The following NAMPT variants were observed in gnomAD, a reference collection of about 807,000 sequenced individuals.
The protein encoded by NAMPT is NAmPRTase.
NAMPT carries 7 observed loss-of-function variants against 58.7 expected under a neutral mutation model. That is an observed-to-expected ratio of 0.12 (90% CI 0.07 to 0.22). The LOEUF is 0.22. Ranked by LOEUF, NAMPT falls within the 10% of genes least tolerant of loss-of-function variation. The pLI is 1.00. For synonymous variants in NAMPT, 145 were observed against 198.1 expected (o/e 0.73, Z 2.25); for missense variants, 271 against 567.9 (o/e 0.48, Z 5.31).
At chr7:106,260,467 C>G (rs1275098632) in intron 8 of NAMPT, among the ~76,000 whole-genome samples, 1 of 152,254 alleles carries the variant, frequency 6.6e-6, no homozygotes, top group East Asian at 1.9e-4. Flanking sequence ...ATCTTCTATT[C>G]AGACCATTCA....
At chr7:106,257,758 C>T (rs940383479) in intron 8 of NAMPT, among the ~76,000 whole-genome samples, 42 of 152,236 alleles carry the variant, frequency 2.8e-4, no homozygotes, top group African/African-American at 9.9e-4. Flanking sequence ...CCAACTTGAA[C>T]TCCGTTCAAC....
intron 1 of NAMPT, among the ~76,000 whole-genome samples, chr7:106,280,950 A>C (rs968614547): frequency 6.6e-6 from 1 of 151,810 alleles, no homozygotes; most frequent in African/African-American, 2.4e-5. Flanking sequence ...CAAAAAAAAA[A>C]CAAACATAAG....
intron 10 of NAMPT, among the ~76,000 whole-genome samples, chr7:106,252,514 T>C (rs1792121321): frequency 6.6e-6 from 1 of 151,890 alleles, no homozygotes; most frequent in Admixed American, 6.6e-5. Context: ...CTGTCTAAAG[T>C]TTTTTTTGAT....
chr7:106,270,164 C>A, intron 4 of NAMPT: 1 of 216,900 alleles, frequency 4.6e-6, no homozygotes, highest in Non-Finnish European at 1.1e-5. Context: ...GGAAGCTCCA[C>A]AGAAAAGTCT....
In NAMPT at chr7:106,250,221, A is replaced by G. The variant is rs1792083539; in HGVS notation, c.*862T>C. ...AAAATACACTACTTCCACTTTTGTAAGTATTTTACATTTATGTATATATTC... is the reference window on the plus strand; with the variant it reads ...AAAATACACTACTTCCACTTTTGTAGGTATTTTACATTTATGTATATATTC... On this transcript the variant is annotated 3_prime_UTR_variant, in exon 11 of 11. Coordinates refer to ENST00000222553, the MANE Select transcript of NAMPT (RefSeq NM_005746.3). The G allele has an allele frequency of 6.6e-6, 1 of 152,406 alleles. No homozygotes were observed. The highest frequency in any genetic ancestry group is 1.5e-5 in the Non-Finnish European group (1 of 67,922). 9.4% of individuals were successfully genotyped at this position (152,406 alleles called of 1,614,324 possible). A position where few individuals can be genotyped will look rare whatever the true frequency, so the allele number is the denominator to read the frequency against.
chr7:106,284,703 C>A, intron 1 of NAMPT, 125 bp downstream of exon 1: 1 of 1,086,280 alleles, frequency 9.2e-7, no homozygotes, highest in Non-Finnish European at 1.1e-6. Context: ...CCCGGGCCTC[C>A]CCGCGCCGCG....
chr7:106,285,152 C>T, upstream of NAMPT: 1 of 1,265,298 alleles, frequency 7.9e-7, no homozygotes, highest in South Asian at 2.2e-5. Context: ...GCCTTCACCC[C>T]GTCACCCTCC....
intron 8 of NAMPT, among the ~76,000 whole-genome samples, chr7:106,258,882 A>G (rs1792255378): frequency 6.6e-6 from 1 of 152,050 alleles, no homozygotes; most frequent in African/African-American, 2.4e-5. Context: ...ATGCCTTAAA[A>G]TGACAACAAT....
At chr7:106,259,896 T>G (rs75814127) in intron 8 of NAMPT, among the ~76,000 whole-genome samples, 1 of 150,876 alleles carries the variant, frequency 6.6e-6, no homozygotes, top group Non-Finnish European at 1.5e-5. Context: ...TTTTTTTTTT[T>G]CCTGAGCAGT....
At chr7:106,284,718 T>TAGCCCC (rs1301389399) in intron 1 of NAMPT, 110 bp downstream of exon 1, 81 of 746,688 alleles carry the variant, frequency 1.1e-4, no homozygotes, top group Admixed American at 9.8e-4. Flanking sequence ...GCCGCGACCC[T>TAGCCCC]AGCCCCAGCC....
upstream of NAMPT, chr7:106,285,122 C>T: frequency 2.3e-6 from 3 of 1,310,464 alleles, no homozygotes; most frequent in Non-Finnish European, 2.9e-6. Flanking sequence ...CTCTGGCGGA[C>T]TCCCCACCTC....
chr7:106,276,885 TACTTAGAACATC>T, intron 2 of NAMPT, 126 bp downstream of exon 2: 1 of 686,456 alleles, frequency 1.5e-6, no homozygotes, highest in Non-Finnish European at 2.4e-6. Flanking sequence ...ACTTTTCTCA[TACTTAGAACATC>T]AAACACACAC....
chr7:106,255,035 C>G (rs1251971457), intron 8 of NAMPT, among the ~76,000 whole-genome samples: 3 of 152,104 alleles, frequency 2.0e-5, no homozygotes, highest in African/African-American at 7.2e-5. Flanking sequence ...AGTTGGTATA[C>G]TGGTAGAGTC....
intron 1 of NAMPT, among the ~76,000 whole-genome samples, chr7:106,279,085 T>C (rs1792706143): frequency 6.6e-6 from 1 of 152,214 alleles, no homozygotes; most frequent in African/African-American, 2.4e-5. Context: ...TTTGTACAAA[T>C]ACAGCTCCAG....
At chr7:106,268,774 T>G (rs1792475650) in intron 5 of NAMPT, among the ~76,000 whole-genome samples, 174 bp from the exon 6 acceptor site, 2 of 152,206 alleles carry the variant, frequency 1.3e-5, no homozygotes, top group Admixed American at 1.3e-4. Flanking sequence ...AGATTCAGTT[T>G]TTCCTAAATA....
At chr7:106,277,230 A>C (rs372358080) in intron 1 of NAMPT, 51 bp from the exon 2 acceptor site, 1 of 1,436,068 alleles carries the variant, frequency 7.0e-7, no homozygotes, top group Admixed American at 2.0e-5. Context: ...GTAGACTATA[A>C]ATCACAACAG....
chr7:106,268,444 A>G lies in NAMPT; in HGVS notation c.743+20T>C. On this transcript the variant is annotated intron_variant, in intron 6 of 10. Coordinates refer to ENST00000222553, the MANE Select transcript of NAMPT (RefSeq NM_005746.3). ...GAGTGAAAAAATTAGTAGTTTTAAA[A>G]AATGAACAGAATTTTTTACCTGTGT... 3.1e-6 allele frequency: 5 copies of G among 1,590,464 alleles called. No homozygotes were observed. The highest frequency in any genetic ancestry group is 3.4e-6 in the Non-Finnish European group (4 of 1,171,382).
Position 106,248,553 on chromosome 7 carries a change from T to G in NAMPT, c.*2530A>C, listed in dbSNP as rs1792055743. The stretch of plus-strand genomic sequence containing the variant: ...TTATAAAAATTGTTTGATAACAATT[T>G]AAGAAGGGAAAACAAGGGATACTCA... On this transcript the variant is annotated 3_prime_UTR_variant, in exon 11 of 11. Coordinates refer to ENST00000222553, the MANE Select transcript of NAMPT (RefSeq NM_005746.3). The G allele has an allele frequency of 6.6e-6, 1 of 152,250 alleles. No homozygotes were observed. Among genetic ancestry groups the G allele is most frequent in the Non-Finnish European group, 1.5e-5 (1 of 67,978 alleles). 9.4% of individuals were successfully genotyped at this position (152,250 alleles called of 1,614,324 possible).
At position 106,261,530 on chromosome 7, in the gene NAMPT, A is replaced by G. The variant is rs534942063; in HGVS notation, c.1089+58T>C. On this transcript the variant is annotated intron_variant, in intron 8 of 10. Transcript: ENST00000222553. ...ATTTATATTGTGTTCTTTATCAAAC[A>G]TAAACAAACTTAATTATAAGAAATG... 1.1e-4 allele frequency: 152 copies of G among 1,340,350 alleles called. No individual in the cohort carries two copies. The African/African-American group carries it at 2.1e-3, about 19-fold the overall frequency. 83.0% of individuals were successfully genotyped at this position (1,340,350 alleles called of 1,614,324 possible). A position where few individuals can be genotyped will look rare whatever the true frequency, so the allele number is the denominator to read the frequency against.
Sources: allele counts gnomAD v4.1 joint callset (sites outside exome capture counted in the v4.1 genomes callset), GRCh38; gene constraint gnomAD v4.1.1; transcripts MANE v1.5; gene names NCBI Gene and HGNC (gene_info 2026-07-23, HGNC 2026-07-21).